SLC9A7: variants seen among roughly 807,000 people sequenced by gnomAD.
SLC9A7 encodes sodium/hydrogen exchanger 7.
In SLC9A7, 19 loss-of-function variants were observed where a neutral mutation model predicts 52.6. The ratio of observed to expected loss-of-function variants is 0.36; its 90% CI spans 0.25 to 0.53. The LOEUF (loss-of-function observed/expected upper bound fraction) is 0.53. Ranked by LOEUF, SLC9A7 falls within the 20% of genes least tolerant of loss-of-function variation. SLC9A7 has a pLI of 0.91. For missense variants in SLC9A7, 455 were observed against 597.9 expected (o/e 0.76, Z 2.49); for synonymous variants, 226 against 252.1 (o/e 0.90, Z 0.98).
chrX:46,734,422 A>G (rs1047532508), intron 1 of SLC9A7, among the ~76,000 whole-genome samples: 2 of 112,506 alleles, frequency 1.8e-5, no homozygotes, highest in Admixed American at 9.4e-5. Flanking sequence ...AAGATATAAA[A>G]ATTATTAAAG....
intron 1 of SLC9A7, among the ~76,000 whole-genome samples, chrX:46,738,769 CA>C (rs34032704): frequency 2.7e-4 from 24 of 89,600 alleles, no homozygotes; most frequent in East Asian, 6.9e-4. Context: ...GACTCCATCT[CA>C]AAAAAAAAAA....
In SLC9A7 at chrX:46,621,056, C is replaced by T. The variant is rs143878309; in HGVS notation, c.1744G>A (p.Gly582Ser). 2.0e-5 allele frequency: 24 copies of T among 1,191,304 alleles called. No homozygotes were observed. Among genetic ancestry groups the T allele is most frequent in the Non-Finnish European group, 2.7e-5 (24 of 880,195 alleles). ...NDSFQVLQGDGPDSARGNRTK... is the reference protein window; with the variant it reads ...NDSFQVLQGDSPDSARGNRTK... Reference sequence around the variant, plus strand: ...CGGTTTCCTCTGGCAGAATCTGGGCCGTCCTAGGAACAAACAAGAGGGCAC... The same window carrying T: ...CGGTTTCCTCTGGCAGAATCTGGGCTGTCCTAGGAACAAACAAGAGGGCAC... Residue 582 changes from glycine (G) to serine (S), a missense_variant, in exon 15 of 17, where the codon GGC becomes AGC. Around this residue, in one of 3 missense-constraint regions of SLC9A7, gnomAD observed 146 missense variants for 160.5 expected, o/e 0.91. Coordinates refer to ENST00000616978, the MANE Select transcript of SLC9A7 (RefSeq NM_001257291.2).
intron 14 of SLC9A7, among the ~76,000 whole-genome samples, chrX:46,625,027 G>A (rs1185450273): frequency 1.8e-5 from 2 of 111,322 alleles, no homozygotes; most frequent in Admixed American, 9.5e-5. Flanking sequence ...GGTAGGGGGA[G>A]GGGAGACAGA....
chrX:46,740,251 C>T (rs1921244203), intron 1 of SLC9A7, among the ~76,000 whole-genome samples: 1 of 111,235 alleles, frequency 9.0e-6, no homozygotes, highest in Non-Finnish European at 1.9e-5. Context: ...TATGACAAAC[C>T]CACAACTAAC....
At position 46,600,444 on chromosome X, in the gene SLC9A7, T is replaced by G. The variant is rs1352002304; in HGVS notation, c.*6508A>C. The G allele has an allele frequency of 9.0e-6, 1 of 111,655 alleles. No homozygotes were observed. Among genetic ancestry groups the G allele is most frequent in the Non-Finnish European group, 1.9e-5 (1 of 53,167 alleles). 9.2% of individuals were successfully genotyped at this position (111,655 alleles called of 1,213,427 possible). A position where few individuals can be genotyped will look rare whatever the true frequency, so the allele number is the denominator to read the frequency against. On this transcript the variant is annotated 3_prime_UTR_variant, in exon 17 of 17. Coordinates refer to ENST00000616978, the MANE Select transcript of SLC9A7 (RefSeq NM_001257291.2). The stretch of plus-strand genomic sequence containing the variant: ...TTCTGCTGTGTGCGCTCCTGTCTGC[T>G]TTGGACCTTTTCAAAGGGCAGCACA...
intron 1 of SLC9A7, among the ~76,000 whole-genome samples, chrX:46,729,474 G>A (rs184995643): frequency 8.9e-6 from 1 of 112,147 alleles, no homozygotes; most frequent in East Asian, 2.8e-4. Context: ...TGATGGTGCT[G>A]AGAAATTATC....
intron 16 of SLC9A7, among the ~76,000 whole-genome samples, chrX:46,610,748 G>C (rs1446878841): frequency 2.7e-5 from 3 of 112,104 alleles, no homozygotes; most frequent in African/African-American, 9.7e-5. Context: ...GTGGTCCCTT[G>C]AACTGCTGGG....
intron 1 of SLC9A7, among the ~76,000 whole-genome samples, chrX:46,695,063 A>G (rs1228367426): frequency 1.8e-5 from 2 of 112,272 alleles, no homozygotes; most frequent in African/African-American, 6.5e-5. Flanking sequence ...CATGGTGGCC[A>G]GGGGCTAAGG....
chrX:46,682,248 T>C (rs778210672), intron 2 of SLC9A7, 88 bp downstream of exon 2: 1 of 892,414 alleles, frequency 1.1e-6, no homozygotes, highest in Non-Finnish European at 1.6e-6. Context: ...ATCCAGGAGT[T>C]TGGAAGGATT....
At chrX:46,742,802 C>CA (rs1921452121) in intron 1 of SLC9A7, among the ~76,000 whole-genome samples, 1 of 112,155 alleles carries the variant, frequency 8.9e-6, no homozygotes, top group Admixed American at 9.4e-5. Context: ...ATAATCCCAA[C>CA]ACATTGGGAG....
At chrX:46,726,722 G>A (rs1944950866) in intron 1 of SLC9A7, among the ~76,000 whole-genome samples, 1 of 111,522 alleles carries the variant, frequency 9.0e-6, no homozygotes, top group Non-Finnish European at 1.9e-5. Context: ...GGACACAGGA[G>A]AGGAAACCCA....
chrX:46,651,182 G>A lies in SLC9A7; in HGVS notation c.1278C>T (p.Phe426=). The A allele has an allele frequency of 4.1e-6, 5 of 1,209,618 alleles. No individual in the cohort carries two copies. The highest frequency in any genetic ancestry group is 1.8e-5 in the South Asian group (1 of 56,865). ...VLHFLAENFI[F]SYMGLALFTF... is the part of the protein sequence containing the mutation. ...TAAACAGTGCCAGGCCCATGTAGGA[G>A]AAGATGAAGTTCTCTGCCAGGAAAT... is the stretch of plus-strand genomic sequence containing the variant. Residue 426 remains phenylalanine, a synonymous_variant, in exon 10 of 17, where the codon TTC becomes TTT. Coordinates refer to ENST00000616978, the MANE Select transcript of SLC9A7 (RefSeq NM_001257291.2).
chrX:46,612,096 G>A (rs998849924), intron 16 of SLC9A7, among the ~76,000 whole-genome samples: 1 of 112,131 alleles, frequency 8.9e-6, no homozygotes, highest in Non-Finnish European at 1.9e-5. Context: ...ATTACTAACT[G>A]TGGGCCCGGG....
Position 46,682,362 on chromosome X carries a change from C to T in SLC9A7, c.499G>A (p.Val167Ile), listed in dbSNP as rs999568091. 15 of 1,211,542 alleles carry T rather than the reference C, an allele frequency of 1.2e-5. No individual in the cohort carries two copies. The highest frequency in any genetic ancestry group is 2.2e-5 in the Admixed American group (1 of 46,043). The change falls in exon 2 of 17, where the codon GTA (valine) becomes ATA (isoleucine). Residue 167 changes from valine to isoleucine, a missense_variant. Transcript: ENST00000616978. ...GEISPGKINS[V>I]EQNDMLRKVT... ...TTCCGTAGCATATCATTCTGCTCTA[C>T]GCTGTTGATCTTGCCAGGACTGATT...
At position 46,637,342 on chromosome X, in the gene SLC9A7, C is replaced by T. The variant is rs528020422; in HGVS notation, c.1617-1694G>A. Among the ~76,000 whole-genome samples, 3 of 112,119 alleles carry T rather than the reference C, an allele frequency of 2.7e-5. No homozygotes were observed. In the South Asian group the frequency reaches 1.1e-3, roughly 41 times the overall value. ...GATACTGCCTTTGATTCCAAGGAGGCATATTTAAGTTCTTTTAAAATATCC... is the reference window on the plus strand; with the variant it reads ...GATACTGCCTTTGATTCCAAGGAGGTATATTTAAGTTCTTTTAAAATATCC... On this transcript the variant is annotated intron_variant, in intron 12 of 16. Transcript: ENST00000616978.
rs1556295026 is a variant in SLC9A7 at position 46,758,933 on chromosome X, G to A, written c.97C>T (p.Leu33=). The part of the protein sequence containing the change: ...LLLPLLLGWG[L]RVAAAASASS... ...GCCGAGGCCGCGGCCGCGACTCGCA[G>A]CCCCCAACCCAGCAGCAGCGGCAGC... The change falls in exon 1 of 17, where the codon CTG becomes TTG. Residue 33 remains leucine, a synonymous_variant. Transcript: ENST00000616978. 2 of 1,137,916 alleles carry A rather than the reference G, an allele frequency of 1.8e-6. No individual in the cohort carries two copies. Among genetic ancestry groups the A allele is most frequent in the Admixed American group, 2.7e-5 (1 of 36,690 alleles). The allele number at this position is 1,137,916 out of a possible 1,213,427, so 93.8% of individuals were successfully genotyped here.
At chrX:46,608,117 G>A (rs958611968) in intron 16 of SLC9A7, among the ~76,000 whole-genome samples, 1 of 112,349 alleles carries the variant, frequency 8.9e-6, no homozygotes, top group African/African-American at 3.2e-5. Flanking sequence ...GGGCCCCCGC[G>A]CAGTCACACT....
rs1307290667 is a variant in SLC9A7, at chrX:46,680,007, T to C, written c.526-252A>G. On this transcript the variant is annotated intron_variant, in intron 2 of 16. Coordinates refer to ENST00000616978, the MANE Select transcript of SLC9A7 (RefSeq NM_001257291.2). ...TTTAAAACATAATAAGACACAACAG[T>C]TTCATGCAATTTTGAGAACTCACAG... 8.1e-5 allele frequency among the ~76,000 whole-genome samples: 9 copies of C among 111,761 alleles called. No homozygotes were observed. In the Admixed American group the frequency reaches 8.6e-4, roughly 11 times the overall value.
rs767162322 is a variant in SLC9A7, at chrX:46,643,419, A to T, written c.1463-30T>A. 5 of 1,177,937 alleles carry T rather than the reference A, an allele frequency of 4.2e-6. No individual in the cohort carries two copies. The Middle Eastern group carries it at 1.2e-3, about 277-fold the overall frequency. ...GGGGACCAAAGAAGAAGATCTACTT[A>T]TAAGGATTAAATGACAATGTTGTCT... On this transcript the variant is annotated intron_variant, in intron 11 of 16. Coordinates refer to ENST00000616978, the MANE Select transcript of SLC9A7 (RefSeq NM_001257291.2).
Sources: allele counts gnomAD v4.1 joint callset (sites outside exome capture counted in the v4.1 genomes callset), GRCh38; gene constraint gnomAD v4.1.1; regional missense constraint gnomAD v4.1.1; transcripts MANE v1.5; gene names NCBI Gene and HGNC (gene_info 2026-07-23, HGNC 2026-07-21).